Variants in KIFC1 observed in about 807,000 individuals in gnomAD.
The protein encoded by KIFC1 is kinesin family member C1.
Under a neutral mutation model 66.6 loss-of-function variants are expected in KIFC1, and 37 were observed. The observed-to-expected ratio is 0.56, with a 90% CI of 0.43 to 0.73. The LOEUF (loss-of-function observed/expected upper bound fraction) is 0.73, where lower values mean the gene tolerates loss of function less well. Ranked by LOEUF, KIFC1 falls within the 30% of genes least tolerant of loss-of-function variation. KIFC1 has a pLI of 0.00. For synonymous variants in KIFC1, 325 were observed against 343.5 expected (o/e 0.95, Z 0.60); for missense variants, 721 against 859.8 (o/e 0.84, Z 2.02).
rs773562852 is a variant in KIFC1 at position 33,404,112 on chromosome 6, C to A, written c.739C>A (p.Gln247Lys). The change falls in exon 6 of 11, where the codon CAA becomes AAA. Residue 247 changes from glutamine to lysine, a missense_variant. Gln to Lys is a moderately conservative substitution (Grantham distance 53). Coordinates refer to ENST00000428849, the MANE Select transcript of KIFC1 (RefSeq NM_002263.4). This position sits in a 1 kb window ranked among gnomAD's most constrained non-coding sequence, Gnocchi z 4.0. Reference sequence around the variant, plus strand: ...GGAAGAACGGAGGGGACTGATGTCCCAACTAGAGGAGAAGGAGGTAAGGGC... The same window carrying A: ...GGAAGAACGGAGGGGACTGATGTCCAAACTAGAGGAGAAGGAGGTAAGGGC... ...LQEERRGLMS[Q>K]LEEKERRLQT... The A allele has an allele frequency of 2.5e-6, 4 of 1,609,992 alleles. No individual in the cohort carries two copies. Among genetic ancestry groups the A allele is most frequent in the Admixed American group, 3.4e-5 (2 of 59,586 alleles).
intron 10 of KIFC1, among the ~76,000 whole-genome samples, chr6:33,409,056 T>C (rs951124680): frequency 3.3e-5 from 5 of 152,138 alleles, no homozygotes; most frequent in Non-Finnish European, 7.4e-5. Context: ...TAGTCTCAGC[T>C]ACTTTGGGAG....
Position 33,405,661 on chromosome 6 carries a change from A to G in KIFC1, c.1536+30A>G, listed in dbSNP as rs1355339944. On this transcript the variant is annotated intron_variant, in intron 7 of 10. Coordinates refer to ENST00000428849, the MANE Select transcript of KIFC1 (RefSeq NM_002263.4). This position sits in a 1 kb window ranked among gnomAD's most constrained non-coding sequence, Gnocchi z 5.4. ...GGACCCATGGGCACTGGAACTGGGA[A>G]ATGGGGAGGAGTGGGCAGGGTGCCA... 1 of 1,477,600 alleles carries G rather than the reference A, an allele frequency of 6.8e-7. No homozygotes were observed. The allele number at this position is 1,477,600 out of a possible 1,614,324, so 91.5% of individuals were successfully genotyped here. A position where few individuals can be genotyped will look rare whatever the true frequency, so the allele number is the denominator to read the frequency against.
At position 33,400,818 on chromosome 6, in the gene KIFC1, G is replaced by GT. The variant is rs1312448160; in HGVS notation, c.250+2438dup. 4.6e-5 allele frequency among the ~76,000 whole-genome samples: 7 copies of GT among 151,984 alleles called. No individual in the cohort carries two copies. In the East Asian group the frequency reaches 1.2e-3, roughly 25 times the overall value. On this transcript the variant is annotated intron_variant, in intron 3 of 10. Transcript: ENST00000428849. The surrounding 1 kb of genome is among the most constrained non-coding windows in gnomAD (Gnocchi z 4.3). ...CCCTCCACCACACTTGGCTAATTTT[G>GT]TTTTTTTGTATTTTTAATAGAGACA...
Position 33,405,128 on chromosome 6 carries a change from C to T in KIFC1, c.1033C>T (p.Pro345Ser). 3.1e-6 allele frequency: 5 copies of T among 1,614,202 alleles called. No individual in the cohort carries two copies. The highest frequency in any genetic ancestry group is 3.4e-6 in the Non-Finnish European group (4 of 1,180,042). Reference sequence around the variant, plus strand: ...TGGCCCTGGTGGGCCCTCTGATCCTCCAACCCGCCTTAGCCTCTCCCGGTC... The same window carrying T: ...TGGCCCTGGTGGGCCCTCTGATCCTTCAACCCGCCTTAGCCTCTCCCGGTC... ...PSGPGGPSDP[P>S]TRLSLSRSDE... The change falls in exon 7 of 11, where the codon CCA becomes TCA. Residue 345 changes from proline (P) to serine (S), a missense_variant. By Grantham distance (74) the Pro-to-Ser change is moderately conservative. Coordinates refer to ENST00000428849, the MANE Select transcript of KIFC1 (RefSeq NM_002263.4). The surrounding 1 kb of genome is among the most constrained non-coding windows in gnomAD (Gnocchi z 5.4).
chr6:33,397,576 A>G (rs211458), intron 1 of KIFC1, among the ~76,000 whole-genome samples: 135,700 of 152,248 alleles, frequency 0.89, 60,591 homozygotes, highest in East Asian at 1. Context: ...GATTACAGGC[A>G]TAAGCCACTG....
In KIFC1 at chr6:33,405,503, C is replaced by T. The variant is rs750141338; in HGVS notation, c.1408C>T (p.Arg470Trp). 24 of 1,612,476 alleles carry T rather than the reference C, an allele frequency of 1.5e-5. No homozygotes were observed. The highest frequency in any genetic ancestry group is 2.7e-5 in the African/African-American group (2 of 74,898). ...SYVEIYNETVRDLLATGTRKG... is the reference protein window; with the variant it reads ...SYVEIYNETVWDLLATGTRKG... ...CGTAGAGATCTACAATGAGACTGTC[C>T]GGGACCTGCTGGCCACTGGAACCCG... The change falls in exon 7 of 11, where the codon CGG becomes TGG. Residue 470 changes from arginine (R) to tryptophan (W), a missense_variant. Coordinates refer to ENST00000428849, the MANE Select transcript of KIFC1 (RefSeq NM_002263.4). This position sits in a 1 kb window ranked among gnomAD's most constrained non-coding sequence, Gnocchi z 5.4.
rs186883042 is a variant in KIFC1 at position 33,394,545 on chromosome 6, G to A, written c.12+2548G>A. Among the ~76,000 whole-genome samples the A allele has an allele frequency of 3.4e-4, 52 of 152,196 alleles. No individual in the cohort carries two copies. In the East Asian group the frequency reaches 9.3e-3, roughly 27 times the overall value. ...TGCCCAGGCTGGAGTGCAGTGGTGTGATCTCAGCTCACTGCAACTTCTACC... is the reference window on the plus strand; with the variant it reads ...TGCCCAGGCTGGAGTGCAGTGGTGTAATCTCAGCTCACTGCAACTTCTACC... On this transcript the variant is annotated intron_variant, in intron 1 of 10. Transcript: ENST00000428849.
intron 2 of KIFC1, 25 bp from the exon 3 acceptor site, chr6:33,398,263 G>A (rs1775193444): frequency 6.2e-7 from 1 of 1,613,596 alleles, no homozygotes; most frequent in Non-Finnish European, 8.5e-7. Flanking sequence ...GGGTGACTAT[G>A]GACCTTGTCT....
rs1775818199 is a variant in KIFC1, at chr6:33,409,593, T to G, written c.1978-53T>G. On this transcript the variant is annotated intron_variant, in intron 10 of 10. Coordinates refer to ENST00000428849, the MANE Select transcript of KIFC1 (RefSeq NM_002263.4). Reference sequence around the variant, plus strand: ...GGAGGATGGGAGATCTTGGGAAAAATGTTGTATTGGTTACGCTGCAAACTT... The same window carrying G: ...GGAGGATGGGAGATCTTGGGAAAAAGGTTGTATTGGTTACGCTGCAAACTT... The G allele has an allele frequency of 3.2e-6, 5 of 1,552,082 alleles. No individual in the cohort carries two copies. The Admixed American group carries it at 8.3e-5, about 26-fold the overall frequency.
intron 10 of KIFC1, among the ~76,000 whole-genome samples, chr6:33,409,303 G>A (rs1296203086): frequency 6.6e-6 from 1 of 152,188 alleles, no homozygotes; most frequent in Non-Finnish European, 1.5e-5. Context: ...AGGAGTCCTA[G>A]TTCCTAAATG....
chr6:33,395,581 A>G (rs1242817589), intron 1 of KIFC1, among the ~76,000 whole-genome samples: 1 of 152,222 alleles, frequency 6.6e-6, no homozygotes, highest in Non-Finnish European at 1.5e-5. Context: ...GTTGGAGGGC[A>G]TCATTCTAGC....
At chr6:33,393,000 G>A (rs1041045439) in intron 1 of KIFC1, among the ~76,000 whole-genome samples, 42 of 152,240 alleles carry the variant, frequency 2.8e-4, no homozygotes, top group African/African-American at 9.6e-4. Context: ...CCAGAAGGCC[G>A]TAAGTGCTGT....
In KIFC1 at chr6:33,406,829, A is replaced by T. The variant is rs570228172; in HGVS notation, c.1931A>T (p.Glu644Val). Reference protein sequence around the residue: ...MLMFVNISPLEENVSESLNSL... With the variant: ...MLMFVNISPLVENVSESLNSL... ...ATGTTTGTGAACATTTCTCCACTGG[A>T]AGAGAACGTCTCCGAGTCCCTCAAC... The change falls in exon 10 of 11, where the codon GAA becomes GTA. Residue 644 changes from glutamate to valine, a missense_variant. Transcript: ENST00000428849. The surrounding 1 kb of genome is among the most constrained non-coding windows in gnomAD (Gnocchi z 4.5). 6.2e-7 allele frequency: 1 copy of T among 1,613,948 alleles called. No individual in the cohort carries two copies. Among genetic ancestry groups the T allele is most frequent in the East Asian group, 2.2e-5 (1 of 44,886 alleles).
chr6:33,408,292 T>C (rs1775748077), intron 10 of KIFC1, among the ~76,000 whole-genome samples: 2 of 152,246 alleles, frequency 1.3e-5, no homozygotes, highest in Admixed American at 1.3e-4. Context: ...TGTCGTTTGT[T>C]GAAGGTCATT....
chr6:33,396,436 C>CTTTTTTTTTTTTTTTTTTTTTTTTTCT (rs199749552), intron 1 of KIFC1, among the ~76,000 whole-genome samples: 2 of 116,258 alleles, frequency 1.7e-5, no homozygotes, highest in African/African-American at 7.0e-5. Flanking sequence ...CTTTTCTTTT[C>CTTTTTTTTTTTTTTTTTTTTTTTTTCT]TTTTTTTTTT....
chr6:33,392,682 A>ATTC (rs1774849115), intron 1 of KIFC1, among the ~76,000 whole-genome samples: 1 of 20,270 alleles, frequency 4.9e-5, no homozygotes, highest in African/African-American at 4.4e-4. Context: ...GGTGCCAGGA[A>ATTC]AGGTCTGCCT....
intron 1 of KIFC1, 91 bp from the exon 2 acceptor site, chr6:33,397,938 G>A: frequency 7.4e-7 from 1 of 1,349,282 alleles, no homozygotes; most frequent in East Asian, 2.3e-5. Flanking sequence ...CTTGGTGGTG[G>A]TGTTGACAAT....
Position 33,406,842 on chromosome 6 carries a change from C to T in KIFC1, c.1944C>T (p.Ser648=), listed in dbSNP as rs552600695. 6.3e-5 allele frequency: 101 copies of T among 1,614,080 alleles called. No homozygotes were observed. The highest frequency in any genetic ancestry group is 7.5e-5 in the Non-Finnish European group (88 of 1,180,010). The change falls in exon 10 of 11, where the codon TCC becomes TCT. Residue 648 remains serine (S), a synonymous_variant. Transcript: ENST00000428849. This position sits in a 1 kb window ranked among gnomAD's most constrained non-coding sequence, Gnocchi z 4.5. The stretch of plus-strand genomic sequence containing the variant: ...TTTCTCCACTGGAAGAGAACGTCTC[C>T]GAGTCCCTCAACTCTCTACGCTTTG... ...VNISPLEENV[S]ESLNSLRFAS...
Position 33,405,479 on chromosome 6 carries a change from G to A in KIFC1, c.1384G>A (p.Val462Ile), listed in dbSNP as rs764537054. 1.4e-5 allele frequency: 22 copies of A among 1,612,094 alleles called. No homozygotes were observed. Among genetic ancestry groups the A allele is most frequent in the East Asian group, 8.9e-5 (4 of 44,836 alleles). The change falls in exon 7 of 11, where the codon GTA (valine) becomes ATA (isoleucine). Residue 462 changes from valine (V) to isoleucine (I), a missense_variant. Transcript: ENST00000428849. This position sits in a 1 kb window ranked among gnomAD's most constrained non-coding sequence, Gnocchi z 5.4. ...GACCTACAGCTTTGTAGCAAGCTAC[G>A]TAGAGATCTACAATGAGACTGTCCG... Reference protein sequence around the residue: ...GWTYSFVASYVEIYNETVRDL... With the variant: ...GWTYSFVASYIEIYNETVRDL...
Sources: allele counts gnomAD v4.1 joint callset (sites outside exome capture counted in the v4.1 genomes callset), GRCh38; gene constraint gnomAD v4.1.1; non-coding constraint Gnocchi (gnomAD v3.1); transcripts MANE v1.5; gene names NCBI Gene and HGNC (gene_info 2026-07-23, HGNC 2026-07-21).